The following RSPRY1 variants were observed in gnomAD, a reference collection of about 807,000 sequenced individuals.
RSPRY1 encodes the protein ring finger and SPRY domain containing 1.
Under a neutral mutation model 73.1 loss-of-function variants are expected in RSPRY1, and 23 were observed. The ratio of observed to expected loss-of-function variants is 0.31; its 90% CI spans 0.23 to 0.45. The LOEUF (loss-of-function observed/expected upper bound fraction) is 0.45. RSPRY1 is among the 20% of genes least tolerant of loss of function. RSPRY1 has a pLI of 1.00. For synonymous variants in RSPRY1, 226 were observed against 251.4 expected (o/e 0.90, Z 0.95); for missense variants, 448 against 698.7 (o/e 0.64, Z 4.05).
chr16:57,221,659 T>C (rs1199424025), intron 10 of RSPRY1, among the ~76,000 whole-genome samples: 1 of 152,174 alleles, frequency 6.6e-6, no homozygotes, highest in Non-Finnish European at 1.5e-5. Context: ...ATTTTTCACC[T>C]AGAGGCTGGA....
chr16:57,236,695 A>G (rs544815724), intron 14 of RSPRY1, among the ~76,000 whole-genome samples: 1 of 152,374 alleles, frequency 6.6e-6, no homozygotes, highest in African/African-American at 2.4e-5. Context: ...TAGAGAAAGT[A>G]GGAAAACCAC....
At chr16:57,227,313 C>A in intron 10 of RSPRY1, 29 bp from the exon 11 acceptor site, 1 of 1,508,518 alleles carries the variant, frequency 6.6e-7, no homozygotes, top group Non-Finnish European at 9.2e-7. Flanking sequence ...GGCAGACTTG[C>A]TAATCTTCTG....
At chr16:57,218,975 A>T (rs1393650096) in intron 8 of RSPRY1, among the ~76,000 whole-genome samples, 2 of 122,580 alleles carry the variant, frequency 1.6e-5, no homozygotes, top group Non-Finnish European at 3.4e-5. Flanking sequence ...TGACCTCGTG[A>T]TCCGCCCGCC....
chr16:57,233,698 C>G (rs1398213249), intron 13 of RSPRY1, among the ~76,000 whole-genome samples: 1 of 152,168 alleles, frequency 6.6e-6, no homozygotes, highest in Non-Finnish European at 1.5e-5. Context: ...CCTTTATCAT[C>G]CCAGTTTCCC....
chr16:57,227,438 C>T lies in RSPRY1; in HGVS notation c.1258C>T (p.Pro420Ser). The change falls in exon 11 of 15, where the codon CCA (proline) becomes TCA (serine). Residue 420 changes from proline to serine, a missense_variant. Coordinates refer to ENST00000394420, the MANE Select transcript of RSPRY1 (RefSeq NM_133368.3). ...YNARSKPHIH[P>S]CWKEGDTVGF... Reference sequence around the variant, plus strand: ...TGCCAGAAGTAAGCCTCACATACACCCATGCTGGAAAGAAGGTATTCATTC... The same window carrying T: ...TGCCAGAAGTAAGCCTCACATACACTCATGCTGGAAAGAAGGTATTCATTC... 1 of 1,613,026 alleles carries T rather than the reference C, an allele frequency of 6.2e-7. No individual in the cohort carries two copies. The highest frequency in any genetic ancestry group is 8.5e-7 in the Non-Finnish European group (1 of 1,179,044).
At chr16:57,206,899 T>C (rs1052104101) in intron 2 of RSPRY1, among the ~76,000 whole-genome samples, 11 of 152,226 alleles carry the variant, frequency 7.2e-5, no homozygotes, top group African/African-American at 2.7e-4. Flanking sequence ...GACATAGTTA[T>C]ACAAACCTCT....
chr16:57,220,842 T>G lies in RSPRY1; in HGVS notation c.1012T>G (p.Leu338Val). The G allele has an allele frequency of 2.5e-6, 4 of 1,600,376 alleles. No homozygotes were observed. In the South Asian group the frequency reaches 4.4e-5, roughly 18 times the overall value. Reference protein sequence around the residue: ...SEYLKISPHGLEARCDASSFE... With the variant: ...SEYLKISPHGVEARCDASSFE... ...GTACCTGAAGATCTCACCTCATGGC[T>G]TAGAGGTAGGTAATGCTTCTACAGT... Residue 338 changes from leucine to valine, a missense_variant, in exon 9 of 15, where the codon TTA becomes GTA. Transcript: ENST00000394420.
chr16:57,229,761 A>G (rs1261524899), intron 11 of RSPRY1, among the ~76,000 whole-genome samples: 1 of 108,446 alleles, frequency 9.2e-6, no homozygotes, highest in African/African-American at 3.6e-5. Context: ...GCTGGAGTGC[A>G]GTGGCGCGAT....
chr16:57,208,039 C>A lies in RSPRY1; in HGVS notation c.351-19C>A. On this transcript the variant is annotated intron_variant, in intron 2 of 14. Coordinates refer to ENST00000394420, the MANE Select transcript of RSPRY1 (RefSeq NM_133368.3). ...TTTATTATTTCCTCAGGTTTAATGC[C>A]TTGAATTTTTTTTTCCAGTGATCAG... The A allele has an allele frequency of 6.5e-7, 1 of 1,533,212 alleles. No homozygotes were observed. The highest frequency in any genetic ancestry group is 8.9e-7 in the Non-Finnish European group (1 of 1,121,038). The allele number at this position is 1,533,212 out of a possible 1,614,324, so 95.0% of individuals were successfully genotyped here.
chr16:57,238,611 A>G (rs2075335641), intron 14 of RSPRY1, among the ~76,000 whole-genome samples: 1 of 152,226 alleles, frequency 6.6e-6, no homozygotes, highest in Admixed American at 6.5e-5. Context: ...CCTACCTATA[A>G]GTGCACATCT....
intron 1 of RSPRY1, among the ~76,000 whole-genome samples, chr16:57,201,927 T>C (rs1418494038): frequency 6.6e-6 from 1 of 151,734 alleles, no homozygotes; most frequent in Non-Finnish European, 1.5e-5. Flanking sequence ...CAGCTTTGGC[T>C]TGGCATCAGG....
At chr16:57,209,846 G>T (rs1371062905) in intron 4 of RSPRY1, among the ~76,000 whole-genome samples, 1 of 150,210 alleles carries the variant, frequency 6.7e-6, no homozygotes, top group African/African-American at 2.5e-5. Context: ...GGCTAATTTT[G>T]TATTTTTTTT....
chr16:57,235,683 A>C (rs985721834), intron 14 of RSPRY1, among the ~76,000 whole-genome samples: 3 of 152,228 alleles, frequency 2.0e-5, no homozygotes, highest in Non-Finnish European at 4.4e-5. Context: ...AGGCTAGCCC[A>C]ACTAAGTTTA....
chr16:57,186,210 T>A (rs1489935817), upstream of RSPRY1: 10 of 977,674 alleles, frequency 1.0e-5, no homozygotes, highest in African/African-American at 3.5e-5. Flanking sequence ...CCGGTCCCGC[T>A]GATCACGTGA....
chr16:57,228,200 G>C (rs2075148614), intron 11 of RSPRY1, among the ~76,000 whole-genome samples: 1 of 150,754 alleles, frequency 6.6e-6, no homozygotes, highest in South Asian at 2.1e-4. Flanking sequence ...TTGAACCCAG[G>C]AGGCAGAGGT....
intron 13 of RSPRY1, 134 bp from the exon 14 acceptor site, chr16:57,234,990 T>C (rs1235761445): frequency 2.2e-5 from 14 of 625,072 alleles, no homozygotes; most frequent in Non-Finnish European, 3.7e-5. Flanking sequence ...AGATGGCATG[T>C]ATGAAAACCT....
chr16:57,205,292 T>A, intron 2 of RSPRY1: 1 of 354,958 alleles, frequency 2.8e-6, no homozygotes, highest in Non-Finnish European at 5.3e-6. Context: ...ATGGAGTGAG[T>A]TTATGTTGCT....
intron 6 of RSPRY1, 27 bp downstream of exon 6, chr16:57,213,973 T>C: frequency 6.7e-7 from 1 of 1,500,672 alleles, no homozygotes; most frequent in Non-Finnish European, 9.3e-7. Flanking sequence ...AACTATTTAT[T>C]CTTAGTCATC....
intron 11 of RSPRY1, among the ~76,000 whole-genome samples, chr16:57,228,941 CAACTCTG>C (rs1422876265): frequency 1.3e-5 from 2 of 152,210 alleles, no homozygotes; most frequent in Non-Finnish European, 2.9e-5. Flanking sequence ...GTGATCCACC[CAACTCTG>C]GCCTCCCAAA....
Sources: gnomAD v4.1 joint callset for allele counts (sites outside exome capture counted in the v4.1 genomes callset) on GRCh38, gnomAD v4.1.1 for gene constraint, MANE v1.5 for transcripts, NCBI Gene and HGNC (gene_info 2026-07-23, HGNC 2026-07-21) for gene names.